CCDC178: variants seen among roughly 807,000 people sequenced by gnomAD.
CCDC178 encodes the protein coiled-coil domain-containing protein 178.
A neutral mutation model predicts 117.4 loss-of-function variants in CCDC178; 126 were observed. That is an observed-to-expected ratio of 1.07 (90% CI 0.93 to 1.24). CCDC178 has a LOEUF of 1.24. Among genes scored for constraint, CCDC178 ranks in the 50% most tolerant of loss-of-function variants. CCDC178 has a pLI of 0.00. For synonymous variants in CCDC178, 283 were observed against 313.4 expected (o/e 0.90, Z 1.02); for missense variants, 1,030 against 986.9 (o/e 1.04, Z -0.59).
intron 12 of CCDC178, among the ~76,000 whole-genome samples, chr18:33,285,090 C>A (rs891385284): frequency 6.6e-6 from 1 of 151,906 alleles, no homozygotes; most frequent in Non-Finnish European, 1.5e-5. Context: ...ATCTAAAAAT[C>A]GTTTCTTTTT....
chr18:33,076,330 T>C (rs1187250434), intron 21 of CCDC178, among the ~76,000 whole-genome samples: 5 of 152,168 alleles, frequency 3.3e-5, no homozygotes, highest in Non-Finnish European at 5.9e-5. Flanking sequence ...CAGACATTGC[T>C]CTTAAGAAGA....
intron 20 of CCDC178, among the ~76,000 whole-genome samples, chr18:33,176,300 C>G (rs910287945): frequency 3.3e-5 from 5 of 152,192 alleles, no homozygotes; most frequent in African/African-American, 1.2e-4. Flanking sequence ...ATCCATAGCT[C>G]TGTAACCCCC....
chr18:33,290,628 G>A (rs931695322), intron 12 of CCDC178, among the ~76,000 whole-genome samples: 7 of 151,988 alleles, frequency 4.6e-5, no homozygotes, highest in African/African-American at 1.7e-4. Context: ...CTATATGGAA[G>A]GGCAAGAATC....
intron 9 of CCDC178, among the ~76,000 whole-genome samples, chr18:33,338,553 A>C (rs967605500): frequency 1.3e-5 from 2 of 152,220 alleles, no homozygotes; most frequent in Admixed American, 1.3e-4. Flanking sequence ...ATACCATGGA[A>C]TACTACTCAG....
chr18:33,151,616 A>G (rs1490100131), intron 20 of CCDC178, among the ~76,000 whole-genome samples: 1 of 152,244 alleles, frequency 6.6e-6, no homozygotes, highest in Non-Finnish European at 1.5e-5. Flanking sequence ...GCATCATCCA[A>G]AAAGTAAACC....
At chr18:33,135,522 T>C (rs1017677597) in intron 20 of CCDC178, among the ~76,000 whole-genome samples, 12 of 152,256 alleles carry the variant, frequency 7.9e-5, no homozygotes, top group East Asian at 1.9e-4. Flanking sequence ...CACAATTACA[T>C]AGAATTACAT....
chr18:33,258,087 TA>T (rs1568094316), intron 14 of CCDC178, among the ~76,000 whole-genome samples: 3 of 152,080 alleles, frequency 2.0e-5, no homozygotes, highest in Non-Finnish European at 4.4e-5. Flanking sequence ...TTAATTATTA[TA>T]TTTTTTTGAA....
At chr18:33,142,292 T>C (rs2058216584) in intron 20 of CCDC178, among the ~76,000 whole-genome samples, 1 of 152,134 alleles carries the variant, frequency 6.6e-6, no homozygotes. Context: ...CAGCCCGAGA[T>C]GTCAGTTGTG....
intron 2 of CCDC178, among the ~76,000 whole-genome samples, chr18:33,429,923 C>T (rs2064184164): frequency 6.6e-6 from 1 of 152,098 alleles, no homozygotes; most frequent in Non-Finnish European, 1.5e-5. Context: ...AAGGATAAAT[C>T]CTTTCGTGTG....
chr18:33,163,767 T>C (rs985531106), intron 20 of CCDC178, among the ~76,000 whole-genome samples: 14 of 152,262 alleles, frequency 9.2e-5, no homozygotes, highest in African/African-American at 3.4e-4. Context: ...ACAAGCAAAA[T>C]AATTCTTTGG....
chr18:33,258,972 C>T (rs1233685246), intron 14 of CCDC178, among the ~76,000 whole-genome samples: 4 of 151,948 alleles, frequency 2.6e-5, no homozygotes, highest in African/African-American at 4.8e-5. Flanking sequence ...TATTGTATAG[C>T]ACATAACGTA....
chr18:33,146,648 CTCAA>C, intron 20 of CCDC178, among the ~76,000 whole-genome samples: 1 of 152,244 alleles, frequency 6.6e-6, no homozygotes, highest in Non-Finnish European at 1.5e-5. Context: ...GAGACCTTGT[CTCAA>C]TCAGTCAATC....
chr18:33,260,053 A>G (rs1201578304), intron 14 of CCDC178, among the ~76,000 whole-genome samples: 1 of 152,036 alleles, frequency 6.6e-6, no homozygotes, highest in Non-Finnish European at 1.5e-5. Flanking sequence ...AAAAAAATAC[A>G]CATATATATA....
chr18:33,356,845 C>A (rs1226531143), intron 6 of CCDC178, among the ~76,000 whole-genome samples: 1 of 152,098 alleles, frequency 6.6e-6, no homozygotes, highest in Non-Finnish European at 1.5e-5. Context: ...GCAAAACCGT[C>A]TCTTGTGGCA....
chr18:33,320,023 C>T (rs12962210), intron 11 of CCDC178, among the ~76,000 whole-genome samples: 6 of 151,914 alleles, frequency 3.9e-5, no homozygotes, highest in African/African-American at 1.5e-4. Context: ...GCAGAAAAGG[C>T]CTTTGACAAA....
intron 22 of CCDC178, among the ~76,000 whole-genome samples, chr18:32,973,823 T>C (rs1444672195): frequency 2.6e-5 from 4 of 152,188 alleles, no homozygotes; most frequent in African/African-American, 9.6e-5. Flanking sequence ...TAGTTTTTGT[T>C]ACTTAATAGA....
intron 15 of CCDC178, among the ~76,000 whole-genome samples, chr18:33,236,328 A>G (rs573057163): frequency 6.6e-6 from 1 of 152,326 alleles, no homozygotes; most frequent in East Asian, 1.9e-4. Context: ...AAAAATTACA[A>G]ACTTGAATTA....
chr18:32,993,101 G>A (rs2055428383), intron 21 of CCDC178, among the ~76,000 whole-genome samples: 1 of 152,146 alleles, frequency 6.6e-6, no homozygotes, highest in Non-Finnish European at 1.5e-5. Flanking sequence ...GGGAGGCAGA[G>A]GTTGCAGTGA....
intron 5 of CCDC178, among the ~76,000 whole-genome samples, chr18:33,379,632 A>C (rs1349217802): frequency 6.6e-6 from 1 of 152,054 alleles, no homozygotes; most frequent in African/African-American, 2.4e-5. Context: ...GGGAGCAGGA[A>C]ACATCCTCAT....
Sources: allele counts gnomAD v4.1 joint callset (sites outside exome capture counted in the v4.1 genomes callset), GRCh38; gene constraint gnomAD v4.1.1; transcripts MANE v1.5; gene names NCBI Gene and HGNC (gene_info 2026-07-23, HGNC 2026-07-21).